CKS2: variants seen among roughly 807,000 people sequenced by gnomAD.
CKS2 encodes cyclin-dependent kinases regulatory subunit 2.
In CKS2, 4 loss-of-function variants were observed where a neutral mutation model predicts 14.3. The ratio of observed to expected loss-of-function variants is 0.28; its 90% CI spans 0.14 to 0.64. CKS2 has a LOEUF of 0.64. Among genes scored for constraint, CKS2 ranks in the 30% least tolerant of loss-of-function variants. CKS2 has a pLI of 0.83. For missense variants in CKS2, 71 were observed against 94.3 expected (o/e 0.75, Z 1.02); for synonymous variants, 33 against 28.7 (o/e 1.15, Z -0.48).
At chr9:89,315,679 G>GA (rs564404450) in intron 2 of CKS2, among the ~76,000 whole-genome samples, 168 of 151,782 alleles carry the variant, frequency 1.1e-3, no homozygotes, top group Non-Finnish European at 5.9e-4. Context: ...TCAGCCCTCT[G>GA]AAAGGATATA....
At position 89,311,211 on chromosome 9, in the gene CKS2, T is replaced by C. The variant is rs1353927547; in HGVS notation, c.-82T>C. 1.5e-5 allele frequency: 17 copies of C among 1,157,884 alleles called. No individual in the cohort carries two copies. The Admixed American group carries it at 3.2e-4, about 22-fold the overall frequency. 71.7% of individuals were successfully genotyped at this position (1,157,884 alleles called of 1,614,324 possible). On this transcript the variant is annotated 5_prime_UTR_variant, in exon 1 of 3. Transcript: ENST00000314355. The stretch of plus-strand genomic sequence containing the variant: ...ACTGCGGTCGTTAGTCTCCGGCGAG[T>C]TGTTGCCTGGGCTGGACGTGGTTTT...
chr9:89,314,992 T>G (rs3211684), intron 1 of CKS2, among the ~76,000 whole-genome samples, 178 bp from the exon 2 acceptor site: 6,184 of 152,294 alleles, frequency 0.041, 203 homozygotes, highest in Non-Finnish European at 0.059. Flanking sequence ...GAAAATGCTT[T>G]CTGCTTTTGG....
chr9:89,316,578 A>T lies in CKS2; in HGVS notation c.*153A>T, dbSNP rs1259656128. 2 of 487,694 alleles carry T rather than the reference A, an allele frequency of 4.1e-6. No individual in the cohort carries two copies. The highest frequency in any genetic ancestry group is 7.5e-6 in the Non-Finnish European group (2 of 268,338). The allele number at this position is 487,694 out of a possible 1,614,324, so 30.2% of individuals were successfully genotyped here. A position where few individuals can be genotyped will look rare whatever the true frequency, so the allele number is the denominator to read the frequency against. On this transcript the variant is annotated 3_prime_UTR_variant, in exon 3 of 3. Transcript: ENST00000314355. ...CAGCAACAGAGCTCAGTTAAATGCA[A>T]CTGCAAGTAGGTTACTGTAAGATGT...
rs1307547335 is a variant in CKS2, at chr9:89,311,207, C to T, written c.-86C>T. Reference sequence around the variant, plus strand: ...TGGGACTGCGGTCGTTAGTCTCCGGCGAGTTGTTGCCTGGGCTGGACGTGG... The same window carrying T: ...TGGGACTGCGGTCGTTAGTCTCCGGTGAGTTGTTGCCTGGGCTGGACGTGG... On this transcript the variant is annotated 5_prime_UTR_variant, in exon 1 of 3. Coordinates refer to ENST00000314355, the MANE Select transcript of CKS2 (RefSeq NM_001827.3). The T allele has an allele frequency of 7.2e-6, 8 of 1,106,192 alleles. No homozygotes were observed. Among genetic ancestry groups the T allele is most frequent in the Admixed American group, 3.9e-5 (2 of 51,372 alleles). 68.5% of individuals were successfully genotyped at this position (1,106,192 alleles called of 1,614,324 possible).
At chr9:89,311,412 G>A in intron 1 of CKS2, 61 bp downstream of exon 1, 2 of 1,231,850 alleles carry the variant, frequency 1.6e-6, no homozygotes, top group Non-Finnish European at 1.1e-6. Flanking sequence ...CGGGCGGGGC[G>A]ACCCAGGCAT....
rs1431578649 is a variant in CKS2 at position 89,311,313 on chromosome 9, C to T, written c.21C>T (p.Tyr7=). 2 of 1,611,214 alleles carry T rather than the reference C, an allele frequency of 1.2e-6. No individual in the cohort carries two copies. Among genetic ancestry groups the T allele is most frequent in the South Asian group, 1.1e-5 (1 of 90,786 alleles). MAHKQI[Y]YSDKYFDEHY... ...GCAGGATGGCCCACAAGCAGATCTA[C>T]TACTCGGACAAGTACTTCGACGAAC... Residue 7 remains tyrosine (Y), a synonymous_variant, in exon 1 of 3, where the codon TAC becomes TAT. Coordinates refer to ENST00000314355, the MANE Select transcript of CKS2 (RefSeq NM_001827.3).
chr9:89,312,055 G>C (rs867919016), intron 1 of CKS2, among the ~76,000 whole-genome samples: 1 of 151,950 alleles, frequency 6.6e-6, no homozygotes, highest in Admixed American at 6.5e-5. Context: ...TACAATTGAG[G>C]GTATTATTAA....
At chr9:89,314,021 G>GTTAGGGA (rs1218695062) in intron 1 of CKS2, among the ~76,000 whole-genome samples, 10 of 152,310 alleles carry the variant, frequency 6.6e-5, no homozygotes, top group South Asian at 4.1e-4. Context: ...CTTATAGCGG[G>GTTAGGGA]TTAGGGATTC....
intron 1 of CKS2, 44 bp from the exon 2 acceptor site, chr9:89,315,125 TG>T: frequency 6.4e-7 from 1 of 1,553,588 alleles, no homozygotes; most frequent in South Asian, 1.2e-5. Context: ...AAGCGACAGT[TG>T]TAGAAAAGGC....
At position 89,311,438 on chromosome 9, in the gene CKS2, G is replaced by A. The variant is rs925543646; in HGVS notation, c.59+87G>A. 15 of 1,005,568 alleles carry A rather than the reference G, an allele frequency of 1.5e-5. No homozygotes were observed. In the African/African-American group the frequency reaches 2.3e-4, roughly 15 times the overall value. 62.3% of individuals were successfully genotyped at this position (1,005,568 alleles called of 1,614,324 possible). A position where few individuals can be genotyped will look rare whatever the true frequency, so the allele number is the denominator to read the frequency against. The stretch of plus-strand genomic sequence containing the variant: ...ACCCAGGCATAGTAGGGTCGGGGGT[G>A]GGGGCCGGGGCCTGGGGGGCGGAGC... On this transcript the variant is annotated intron_variant, in intron 1 of 2. Transcript: ENST00000314355.
intron 1 of CKS2, among the ~76,000 whole-genome samples, chr9:89,314,830 CATA>C (rs1346023269): frequency 1.3e-5 from 2 of 152,178 alleles, no homozygotes; most frequent in Non-Finnish European, 2.9e-5. Flanking sequence ...GAACACTTTT[CATA>C]ATAAGTTACA....
At chr9:89,311,378 CGGCTCCCTCAGCCGG>C in intron 1 of CKS2, 27 bp downstream of exon 1, 2 of 1,586,446 alleles carry the variant, frequency 1.3e-6, no homozygotes, top group Non-Finnish European at 1.7e-6. Context: ...GACCCCGAGC[CGGCTCCCTCAGCCGG>C]GGCCCCCGCG....
intron 1 of CKS2, among the ~76,000 whole-genome samples, chr9:89,314,644 G>A (rs1425205128): frequency 6.6e-6 from 1 of 152,108 alleles, no homozygotes; most frequent in African/African-American, 2.4e-5. Context: ...ATAATCTGGG[G>A]CAGGGATAAC....
chr9:89,311,554 GC>G (rs1824609370), intron 1 of CKS2, among the ~76,000 whole-genome samples: 1 of 152,230 alleles, frequency 6.6e-6, no homozygotes, highest in Admixed American at 6.5e-5. Context: ...GCCGCGCCGG[GC>G]CGGTTGGGCC....
Position 89,315,254 on chromosome 9 carries a change from C to G in CKS2, c.144C>G (p.Val48=), listed in dbSNP as rs755509381. The part of the protein sequence containing the change: ...MSEEEWRRLG[V]QQSLGWVHYM... ...AAGAGGAGTGGAGGAGACTTGGTGT[C>G]CAACAGAGTCTAGGCTGGGTTCATT... The change falls in exon 2 of 3, where the codon GTC becomes GTG. Residue 48 remains valine, a synonymous_variant. Coordinates refer to ENST00000314355, the MANE Select transcript of CKS2 (RefSeq NM_001827.3). 6.2e-7 allele frequency: 1 copy of G among 1,611,340 alleles called. No homozygotes were observed. The highest frequency in any genetic ancestry group is 8.5e-7 in the Non-Finnish European group (1 of 1,178,390).
chr9:89,315,258 C>T lies in CKS2; in HGVS notation c.148C>T (p.Gln50Ter), dbSNP rs781467586. Residue 50 changes from glutamine (Q) to a stop codon, truncating the protein, a stop_gained, in exon 2 of 3, where the codon CAG becomes TAG. Transcript: ENST00000314355. LOFTEE classifies it high-confidence loss of function. ...EEEWRRLGVQQSLGWVHYMIH... is the reference protein window; with the variant it reads ...EEEWRRLGVQ Reference sequence around the variant, plus strand: ...GGAGTGGAGGAGACTTGGTGTCCAACAGAGTCTAGGCTGGGTTCATTACAT... The same window carrying T: ...GGAGTGGAGGAGACTTGGTGTCCAATAGAGTCTAGGCTGGGTTCATTACAT... 1 of 1,611,520 alleles carries T rather than the reference C, an allele frequency of 6.2e-7. No individual in the cohort carries two copies. Among genetic ancestry groups the T allele is most frequent in the Non-Finnish European group, 8.5e-7 (1 of 1,178,498 alleles).
intron 1 of CKS2, chr9:89,312,300 A>AT (rs1824633442): frequency 6.5e-6 from 1 of 154,718 alleles, no homozygotes; most frequent in African/African-American, 2.4e-5. Context: ...GACATTTAAA[A>AT]TTTGTTGTCC....
chr9:89,315,607 G>A (rs1410461), intron 2 of CKS2, among the ~76,000 whole-genome samples: 151,020 of 151,646 alleles, frequency 1, 75,202 homozygotes, highest in Middle Eastern at 1. Context: ...TTTATCATAA[G>A]TATATCCTAA....
chr9:89,316,396 C>G lies in CKS2; in HGVS notation c.211C>G (p.Arg71Gly). 1 of 1,594,724 alleles carries G rather than the reference C, an allele frequency of 6.3e-7. No homozygotes were observed. The highest frequency in any genetic ancestry group is 8.6e-7 in the Non-Finnish European group (1 of 1,166,432). Reference protein sequence around the residue: ...EPEPHILLFRRPLPKDQQK With the variant: ...EPEPHILLFRGPLPKDQQK The stretch of plus-strand genomic sequence containing the variant: ...AGAACCACATATTCTTCTCTTTAGA[C>G]GACCTCTTCCAAAAGATCAACAAAA... Residue 71 changes from arginine (R) to glycine (G), a missense_variant, in exon 3 of 3, where the codon CGA becomes GGA. Transcript: ENST00000314355.
Sources: gnomAD v4.1 joint callset for allele counts (sites outside exome capture counted in the v4.1 genomes callset) on GRCh38, gnomAD v4.1.1 for gene constraint, MANE v1.5 for transcripts, NCBI Gene and HGNC (gene_info 2026-07-23, HGNC 2026-07-21) for gene names.